PCSK2: variants seen among roughly 807,000 people sequenced by gnomAD.
The protein encoded by PCSK2 is neuroendocrine convertase 2.
In PCSK2, 14 loss-of-function variants were observed where a neutral mutation model predicts 69.7. That is an observed-to-expected ratio of 0.20 (90% CI 0.13 to 0.31). The LOEUF is 0.31. PCSK2 is among the 10% of genes least tolerant of loss of function. The pLI, the probability that PCSK2 is intolerant of heterozygous loss-of-function variation, is 1.00. For missense variants in PCSK2, 544 were observed against 842.5 expected (o/e 0.65, Z 4.39); for synonymous variants, 307 against 320.7 (o/e 0.96, Z 0.46).
At chr20:17,386,032 T>C (rs6044775) in intron 5 of PCSK2, among the ~76,000 whole-genome samples, 9,564 of 152,294 alleles carry the variant, frequency 0.063, 366 homozygotes, top group African/African-American at 0.11. Context: ...TGTGCACTGA[T>C]ATGCTCAAAG....
intron 2 of PCSK2, among the ~76,000 whole-genome samples, chr20:17,296,896 A>G (rs571732307): frequency 6.6e-6 from 1 of 152,170 alleles, no homozygotes; most frequent in Non-Finnish European, 1.5e-5. Context: ...ACTCAAAGAT[A>G]TTTATTTTTG....
intron 6 of PCSK2, among the ~76,000 whole-genome samples, chr20:17,419,155 C>G (rs1416490837): frequency 2.0e-5 from 3 of 152,164 alleles, no homozygotes; most frequent in Non-Finnish European, 2.9e-5. Flanking sequence ...CATTGTTTTC[C>G]TTTATTAAAC....
At chr20:17,274,584 C>T (rs929784252) in intron 2 of PCSK2, among the ~76,000 whole-genome samples, 25 of 152,068 alleles carry the variant, frequency 1.6e-4, no homozygotes, top group Middle Eastern at 3.4e-3. Flanking sequence ...ATTGATATAC[C>T]GTGGGGAGAG....
At chr20:17,304,879 GCAAT>G (rs1314388341) in intron 2 of PCSK2, among the ~76,000 whole-genome samples, 23 of 152,184 alleles carry the variant, frequency 1.5e-4, no homozygotes, top group African/African-American at 5.5e-4. Flanking sequence ...ATAGTTAAAA[GCAAT>G]TCCACCTGGC....
chr20:17,337,400 C>T (rs1990383920), intron 2 of PCSK2, among the ~76,000 whole-genome samples: 1 of 152,192 alleles, frequency 6.6e-6, no homozygotes, highest in Admixed American at 6.5e-5. Context: ...GGGAAAAGGT[C>T]TTACTGGGTC....
chr20:17,427,907 T>A (rs1568645045), intron 6 of PCSK2, among the ~76,000 whole-genome samples: 1 of 152,210 alleles, frequency 6.6e-6, no homozygotes, highest in Non-Finnish European at 1.5e-5. Flanking sequence ...AAAAGCCACA[T>A]GGTCTCCTGA....
chr20:17,308,494 G>A (rs188033421), intron 2 of PCSK2, among the ~76,000 whole-genome samples: 243 of 152,296 alleles, frequency 1.6e-3, no homozygotes, highest in African/African-American at 5.3e-3. Flanking sequence ...CAAAGGTCCC[G>A]AGGACAGAAC....
intron 2 of PCSK2, among the ~76,000 whole-genome samples, chr20:17,329,494 C>T (rs1990154896): frequency 6.6e-6 from 1 of 152,164 alleles, no homozygotes; most frequent in Non-Finnish European, 1.5e-5. Flanking sequence ...TTTATTACTG[C>T]AAACCCTACA....
At chr20:17,295,279 T>C (rs1229808220) in intron 2 of PCSK2, among the ~76,000 whole-genome samples, 3 of 151,710 alleles carry the variant, frequency 2.0e-5, no homozygotes, top group Admixed American at 1.3e-4. Context: ...CCAGATATTG[T>C]TTTAAATGCC....
At chr20:17,242,968 A>C (rs1986638228) in intron 1 of PCSK2, among the ~76,000 whole-genome samples, 1 of 151,998 alleles carries the variant, frequency 6.6e-6, no homozygotes. Context: ...TCCATATGCC[A>C]CTCTACCTCT....
chr20:17,410,323 G>C (rs2031841608), intron 6 of PCSK2, among the ~76,000 whole-genome samples: 1 of 152,056 alleles, frequency 6.6e-6, no homozygotes, highest in Non-Finnish European at 1.5e-5. Context: ...TCTTTGCTGA[G>C]TATCATTTCT....
At chr20:17,263,520 T>C (rs532879456) in intron 2 of PCSK2, among the ~76,000 whole-genome samples, 2 of 152,262 alleles carry the variant, frequency 1.3e-5, no homozygotes, top group Admixed American at 6.5e-5. Flanking sequence ...AATGAATGAA[T>C]GATTACTATT....
chr20:17,446,858 A>G (rs1038086487), intron 8 of PCSK2, among the ~76,000 whole-genome samples: 1 of 152,244 alleles, frequency 6.6e-6, no homozygotes, highest in African/African-American at 2.4e-5. Context: ...AATCCAACAC[A>G]TCAAAGAAAA....
chr20:17,301,456 A>AATTTATT (rs1989080186), intron 2 of PCSK2, among the ~76,000 whole-genome samples: 2 of 152,252 alleles, frequency 1.3e-5, no homozygotes. Context: ...AATGTGTGTG[A>AATTTATT]GTAAACAAAT....
chr20:17,458,404 G>A (rs2032959713), intron 10 of PCSK2, among the ~76,000 whole-genome samples: 1 of 152,154 alleles, frequency 6.6e-6, no homozygotes, highest in Non-Finnish European at 1.5e-5. Context: ...CTACCTCCAG[G>A]CAAGGAAGCA....
In PCSK2 at chr20:17,228,872, G is replaced by A. The variant is rs570166961; in HGVS notation, c.177+1390G>A. 3.9e-5 allele frequency among the ~76,000 whole-genome samples: 6 copies of A among 152,242 alleles called. No individual in the cohort carries two copies. In the East Asian group the frequency reaches 1.2e-3, roughly 30 times the overall value. On this transcript the variant is annotated intron_variant, in intron 1 of 11. Transcript: ENST00000262545. ...GGGTCCGCCGGTGGCGCGCGGGCGG[G>A]TCTTGCGGAAAGGAACTTGTTGCTC...
chr20:17,301,113 A>G (rs952686511), intron 2 of PCSK2, among the ~76,000 whole-genome samples: 4 of 152,238 alleles, frequency 2.6e-5, no homozygotes, highest in African/African-American at 9.6e-5. Context: ...AAAGCAAGAC[A>G]CTAGGATTGC....
In PCSK2 at chr20:17,484,317, CTA is replaced by C. The variant is rs1171136241; in HGVS notation, c.*2256_*2257del. Reference sequence around the variant, plus strand: ...ACAATATATAAAAATATATATAGTGCTATATATATAAATATTTGGTCTCTATT... The same window carrying C: ...ACAATATATAAAAATATATATAGTGCTATATATAAATATTTGGTCTCTATT... On this transcript the variant is annotated 3_prime_UTR_variant, in exon 12 of 12. Transcript: ENST00000262545. The C allele has an allele frequency of 6.6e-6, 1 of 152,064 alleles. No individual in the cohort carries two copies. Among genetic ancestry groups the C allele is most frequent in the Non-Finnish European group, 1.5e-5 (1 of 67,900 alleles). 9.4% of individuals were successfully genotyped at this position (152,064 alleles called of 1,614,324 possible). A position where few individuals can be genotyped will look rare whatever the true frequency, so the allele number is the denominator to read the frequency against.
At chr20:17,350,186 A>C (rs1244332545) in intron 2 of PCSK2, among the ~76,000 whole-genome samples, 1 of 147,852 alleles carries the variant, frequency 6.8e-6, no homozygotes, top group African/African-American at 2.5e-5. Flanking sequence ...CCCTATTTCC[A>C]AATAAGGTCA....
Sources: allele counts gnomAD v4.1 joint callset (sites outside exome capture counted in the v4.1 genomes callset), GRCh38; gene constraint gnomAD v4.1.1; transcripts MANE v1.5; gene names NCBI Gene and HGNC (gene_info 2026-07-23, HGNC 2026-07-21).